Variants in FARS2 observed in about 807,000 individuals in gnomAD.
FARS2 encodes the protein phenylalanine--tRNA ligase, mitochondrial.
Under a neutral mutation model 46.4 loss-of-function variants are expected in FARS2, and 40 were observed. The observed-to-expected ratio is 0.86, with a 90% CI of 0.67 to 1.12. FARS2 has a LOEUF of 1.12. FARS2 is among the 50% of genes most tolerant of loss of function. The probability of loss-of-function intolerance (pLI) is 0.00; values close to 1 mark genes in which losing one functional copy is unlikely to be tolerated. For synonymous variants in FARS2, 234 were observed against 214.9 expected, an observed-to-expected ratio of 1.09 and a Z score of -0.78; for missense variants, 513 against 567.9, an observed-to-expected ratio of 0.90 and a Z score of 0.98.
rs375561263 is a variant in FARS2 at position 5,667,343 on chromosome 6, C to A, written c.1217+54023C>A. Among the ~76,000 whole-genome samples the A allele has an allele frequency of 5.7e-5, 8 of 141,272 alleles. No individual in the cohort carries two copies. In the South Asian group the frequency reaches 1.5e-3, roughly 26 times the overall value. 92.7% of individuals were successfully genotyped at this position (141,272 alleles called of 152,430 possible). A position where few individuals can be genotyped will look rare whatever the true frequency, so the allele number is the denominator to read the frequency against. On this transcript the variant is annotated intron_variant, in intron 6 of 6. Transcript: ENST00000274680. Reference sequence around the variant, plus strand: ...GACCAGCCTGGCCAATATGGAGAAACCCCATCGCTACTAAAAATACGAAAA... The same window carrying A: ...GACCAGCCTGGCCAATATGGAGAAAACCCATCGCTACTAAAAATACGAAAA...
Position 5,380,751 on chromosome 6 carries a change from G to A in FARS2, c.612+11569G>A, listed in dbSNP as rs1310831771. 3.3e-5 allele frequency among the ~76,000 whole-genome samples: 5 copies of A among 152,178 alleles called. No homozygotes were observed. The East Asian group carries it at 7.7e-4, about 24-fold the overall frequency. ...TTCATTGTCTTCGCTCCGAGGCTTC[G>A]TCCTAAAATCTGCTTTCTGTGTCAT... On this transcript the variant is annotated intron_variant, in intron 2 of 6. Transcript: ENST00000274680.
At chr6:5,662,000 G>T (rs1777873246) in intron 6 of FARS2, among the ~76,000 whole-genome samples, 1 of 152,088 alleles carries the variant, frequency 6.6e-6, no homozygotes, top group South Asian at 2.1e-4. Flanking sequence ...GAGCAGGGTT[G>T]ACCTTAGACT....
At chr6:5,511,251 GAA>G (rs1218005470) in intron 4 of FARS2, among the ~76,000 whole-genome samples, 1 of 152,154 alleles carries the variant, frequency 6.6e-6, no homozygotes, top group African/African-American at 2.4e-5. Flanking sequence ...TCCTGCAGGA[GAA>G]AAAGAGAAAA....
At chr6:5,459,555 G>A (rs888871012) in intron 4 of FARS2, among the ~76,000 whole-genome samples, 1 of 152,064 alleles carries the variant, frequency 6.6e-6, no homozygotes, top group African/African-American at 2.4e-5. Context: ...GCCCATGTCG[G>A]TGTGCCCAGA....
At chr6:5,638,422 G>T (rs990868821) in intron 6 of FARS2, among the ~76,000 whole-genome samples, 3 of 152,162 alleles carry the variant, frequency 2.0e-5, no homozygotes, top group African/African-American at 7.2e-5. Context: ...AAAATTAGCC[G>T]GATGTGGTGG....
At chr6:5,453,463 C>T (rs449981) in intron 4 of FARS2, among the ~76,000 whole-genome samples, 5 of 151,968 alleles carry the variant, frequency 3.3e-5, no homozygotes, top group Non-Finnish European at 5.9e-5. Context: ...TATTCTTGAC[C>T]GAGAAAACTG....
intron 4 of FARS2, among the ~76,000 whole-genome samples, chr6:5,444,243 C>T (rs1033224740): frequency 4.9e-4 from 74 of 151,936 alleles, no homozygotes; most frequent in Middle Eastern, 6.8e-3. Flanking sequence ...CCAATGTGGG[C>T]GGATCACAAG....
chr6:5,657,242 C>T (rs966007383), intron 6 of FARS2, among the ~76,000 whole-genome samples: 1 of 152,144 alleles, frequency 6.6e-6, no homozygotes, highest in East Asian at 1.9e-4. Context: ...CTTCCACCCC[C>T]CTCACAGTTC....
At chr6:5,671,489 T>C (rs1348465740) in intron 6 of FARS2, among the ~76,000 whole-genome samples, 1 of 152,214 alleles carries the variant, frequency 6.6e-6, no homozygotes, top group Non-Finnish European at 1.5e-5. Flanking sequence ...CAGAAAGAAC[T>C]ATGGTGTTCA....
intron 6 of FARS2, among the ~76,000 whole-genome samples, chr6:5,694,562 A>G (rs1464901088): frequency 3.9e-5 from 6 of 152,172 alleles, no homozygotes; most frequent in African/African-American, 1.4e-4. Flanking sequence ...CTATTTAGCC[A>G]TGATAAATAG....
chr6:5,509,654 T>C (rs559348757), intron 4 of FARS2, among the ~76,000 whole-genome samples: 104 of 152,294 alleles, frequency 6.8e-4, no homozygotes, highest in African/African-American at 2.5e-3. Flanking sequence ...CAGAGGGTGG[T>C]CCATCTAGCT....
intron 1 of FARS2, among the ~76,000 whole-genome samples, chr6:5,282,458 G>C (rs1766801838): frequency 6.6e-6 from 1 of 152,206 alleles, no homozygotes; most frequent in Admixed American, 6.5e-5. Flanking sequence ...AAGGCCACGA[G>C]CCATTTTAGC....
At chr6:5,275,557 TA>T (rs1430928725) in intron 1 of FARS2, among the ~76,000 whole-genome samples, 1 of 152,162 alleles carries the variant, frequency 6.6e-6, no homozygotes, top group Non-Finnish European at 1.5e-5. Context: ...AAATCTTTGT[TA>T]AATGAGGAAA....
At chr6:5,380,364 A>G (rs1408731867) in intron 2 of FARS2, among the ~76,000 whole-genome samples, 1 of 152,204 alleles carries the variant, frequency 6.6e-6, no homozygotes, top group African/African-American at 2.4e-5. Flanking sequence ...ACAGTTAGAG[A>G]CGGTGTTTTT....
At chr6:5,618,644 C>A (rs1775601913) in intron 6 of FARS2, among the ~76,000 whole-genome samples, 1 of 152,148 alleles carries the variant, frequency 6.6e-6, no homozygotes, top group Admixed American at 6.5e-5. Context: ...AGCTTGTGCC[C>A]TGAAGGAGGA....
At chr6:5,757,537 A>G (rs1431278868) in intron 6 of FARS2, among the ~76,000 whole-genome samples, 2 of 152,236 alleles carry the variant, frequency 1.3e-5, no homozygotes, top group Non-Finnish European at 2.9e-5. Flanking sequence ...TTTTAAGATT[A>G]TTCCCTCAAG....
chr6:5,460,639 A>G (rs1359774496), intron 4 of FARS2, among the ~76,000 whole-genome samples: 1 of 152,178 alleles, frequency 6.6e-6, no homozygotes, highest in Non-Finnish European at 1.5e-5. Flanking sequence ...GCTGCAGTCC[A>G]AGGATCAGAA....
At chr6:5,357,993 T>C (rs1041013781) in intron 1 of FARS2, among the ~76,000 whole-genome samples, 6 of 152,178 alleles carry the variant, frequency 3.9e-5, no homozygotes, top group African/African-American at 1.4e-4. Flanking sequence ...ACAAAACCTT[T>C]GTGTAATTGC....
Position 5,473,545 on chromosome 6 carries a change from C to CA in FARS2, c.904+42385dup, listed in dbSNP as rs372507372. ...CTGTCTCAAAAAACAAAAAAAAAAA[C>CA]AAAAAAAAAAAACAAAAGAATACCC... On this transcript the variant is annotated intron_variant, in intron 4 of 6. Transcript: ENST00000274680. 3.5e-3 allele frequency among the ~76,000 whole-genome samples: 492 copies of CA among 141,792 alleles called. 4 individuals carry two copies. The highest frequency in any genetic ancestry group is 0.011 in the African/African-American group (416 of 38,174). The allele number at this position is 141,792 out of a possible 152,430, so 93.0% of individuals were successfully genotyped here.
Sources: gnomAD v4.1 joint callset for allele counts (sites outside exome capture counted in the v4.1 genomes callset) on GRCh38, gnomAD v4.1.1 for gene constraint, MANE v1.5 for transcripts, NCBI Gene and HGNC (gene_info 2026-07-23, HGNC 2026-07-21) for gene names.